VRK2: variants seen among roughly 807,000 people sequenced by gnomAD.
VRK2 encodes the protein serine/threonine-protein kinase VRK2.
VRK2 carries 60 observed loss-of-function variants against 57.6 expected under a neutral mutation model. The observed-to-expected ratio is 1.04, with a 90% CI of 0.85 to 1.29. The LOEUF is 1.29. Among genes scored for constraint, VRK2 ranks in the 50% most tolerant of loss-of-function variants. The pLI is 0.00. For missense variants in VRK2, 705 were observed against 588.1 expected (o/e 1.20, Z -2.06); for synonymous variants, 231 against 199.2 (o/e 1.16, Z -1.35).
intron 2 of VRK2, among the ~76,000 whole-genome samples, chr2:58,026,086 C>T (rs1673915354): frequency 6.6e-6 from 1 of 152,116 alleles, no homozygotes; most frequent in Non-Finnish European, 1.5e-5. Flanking sequence ...TATTCCAAGT[C>T]TTCCCTCTTT....
At chr2:58,138,337 G>C (rs916072922) in intron 10 of VRK2, among the ~76,000 whole-genome samples, 3 of 152,152 alleles carry the variant, frequency 2.0e-5, no homozygotes, top group African/African-American at 7.2e-5. Flanking sequence ...GCACTTGCTA[G>C]TTAACAGAGA....
chr2:58,034,518 G>A (rs1196704477), intron 3 of VRK2, among the ~76,000 whole-genome samples: 2 of 151,930 alleles, frequency 1.3e-5, no homozygotes, highest in Non-Finnish European at 2.9e-5. Context: ...TTTAACAACT[G>A]TTCCTTCTAC....
intron 7 of VRK2, among the ~76,000 whole-genome samples, chr2:58,105,107 A>G (rs925035428): frequency 1.3e-5 from 2 of 151,904 alleles, no homozygotes; most frequent in Admixed American, 1.3e-4. Context: ...TATAAAAAAT[A>G]CTAGAAGTAA....
At chr2:57,988,050 T>C (rs1383249896) in intron 1 of VRK2, among the ~76,000 whole-genome samples, 1 of 152,156 alleles carries the variant, frequency 6.6e-6, no homozygotes, top group Non-Finnish European at 1.5e-5. Flanking sequence ...TGTGGGAGTG[T>C]TGGAACTGTT....
intron 8 of VRK2, among the ~76,000 whole-genome samples, chr2:58,127,652 G>GAT (rs1004762704): frequency 1.3e-5 from 2 of 152,182 alleles, no homozygotes; most frequent in African/African-American, 4.8e-5. Flanking sequence ...TTGTTCTGCA[G>GAT]ATAGTCACCA....
chr2:58,134,184 G>T (rs1679629085), intron 9 of VRK2, among the ~76,000 whole-genome samples: 1 of 152,090 alleles, frequency 6.6e-6, no homozygotes, highest in Admixed American at 6.6e-5. Context: ...CCCAAAGCGG[G>T]TTATAGAAAC....
chr2:58,016,513 C>T (rs112992623), intron 1 of VRK2, among the ~76,000 whole-genome samples: 4 of 151,916 alleles, frequency 2.6e-5, no homozygotes, highest in African/African-American at 7.3e-5. Context: ...CCACCATACC[C>T]GGCTAAGTTT....
intron 1 of VRK2, among the ~76,000 whole-genome samples, chr2:57,940,065 G>A (rs1179726154): frequency 2.6e-5 from 4 of 152,052 alleles, no homozygotes; most frequent in African/African-American, 9.7e-5. Flanking sequence ...CATTGTATTA[G>A]TCAAGGTTCT....
At chr2:58,035,560 C>G (rs1244203179) in intron 3 of VRK2, among the ~76,000 whole-genome samples, 1 of 152,082 alleles carries the variant, frequency 6.6e-6, no homozygotes, top group Middle Eastern at 3.4e-3. Context: ...GATTGAGTAG[C>G]CTTATGAAAT....
chr2:58,028,470 T>A (rs994228079), intron 2 of VRK2: 1 of 152,154 alleles, frequency 6.6e-6, no homozygotes, highest in African/African-American at 2.4e-5. Flanking sequence ...CCTTTGGGTA[T>A]ATACCCAGTA....
chr2:57,953,480 G>T (rs1011152586), intron 1 of VRK2, among the ~76,000 whole-genome samples: 3 of 152,100 alleles, frequency 2.0e-5, no homozygotes, highest in Non-Finnish European at 2.9e-5. Flanking sequence ...ATCACTTTGC[G>T]TGTATCCCAT....
At chr2:58,006,632 G>C (rs1379498594) in intron 1 of VRK2, among the ~76,000 whole-genome samples, 1 of 152,104 alleles carries the variant, frequency 6.6e-6, no homozygotes, top group East Asian at 1.9e-4. Flanking sequence ...GGAGTAATTG[G>C]ATCCTGGATG....
chr2:57,949,341 A>G (rs915931404), intron 1 of VRK2, among the ~76,000 whole-genome samples: 1 of 152,186 alleles, frequency 6.6e-6, no homozygotes, highest in African/African-American at 2.4e-5. Context: ...TAAGTCTATC[A>G]GGGCCATTTT....
chr2:58,068,963 A>G (rs1301138516), intron 2 of VRK2, among the ~76,000 whole-genome samples: 1 of 151,626 alleles, frequency 6.6e-6, no homozygotes, highest in Non-Finnish European at 1.5e-5. Flanking sequence ...AAACATTTTT[A>G]TAATGGTTGC....
chr2:58,125,393 T>C (rs1277123896), intron 8 of VRK2, among the ~76,000 whole-genome samples: 6 of 152,162 alleles, frequency 3.9e-5, no homozygotes, highest in African/African-American at 1.4e-4. Flanking sequence ...TCTACTTATA[T>C]TTTTTATTCT....
At chr2:58,074,041 A>G (rs1312242948) in intron 2 of VRK2, among the ~76,000 whole-genome samples, 7 of 152,084 alleles carry the variant, frequency 4.6e-5, no homozygotes, top group East Asian at 3.9e-4. Flanking sequence ...CTATCCTTCA[A>G]TCCAATCAAG....
At chr2:57,935,775 C>G (rs1300425261) in intron 1 of VRK2, among the ~76,000 whole-genome samples, 1 of 152,212 alleles carries the variant, frequency 6.6e-6, no homozygotes, top group Non-Finnish European at 1.5e-5. Context: ...GGTGCTCCCT[C>G]ACTGTGCTCT....
In VRK2 at chr2:58,087,301, C is replaced by T. The variant is rs908263094; in HGVS notation, c.344+875C>T. On this transcript the variant is annotated intron_variant, in intron 5 of 12. Coordinates refer to ENST00000340157, the MANE Select transcript of VRK2 (RefSeq NM_006296.7). ...CTTTAAATTTAAAAAAATGAGCAAA[C>T]AGTAATCTTGAAGTAAAGGACTGCC... Among the ~76,000 whole-genome samples, 10 of 152,132 alleles carry T rather than the reference C, an allele frequency of 6.6e-5. No individual in the cohort carries two copies. In the South Asian group the frequency reaches 1.9e-3, roughly 28 times the overall value.
chr2:58,087,917 G>A (rs1183997721), intron 5 of VRK2, among the ~76,000 whole-genome samples: 1 of 152,112 alleles, frequency 6.6e-6, no homozygotes, highest in Non-Finnish European at 1.5e-5. Context: ...AACCTGGGAG[G>A]TGGAGGTTGC....
Sources: gnomAD v4.1 joint callset for allele counts (sites outside exome capture counted in the v4.1 genomes callset) on GRCh38, gnomAD v4.1.1 for gene constraint, MANE v1.5 for transcripts, NCBI Gene and HGNC (gene_info 2026-07-23, HGNC 2026-07-21) for gene names.